Variants in NFAT5 observed in about 807,000 individuals in gnomAD.
NFAT5 encodes nuclear factor of activated T-cells 5.
NFAT5 carries 31 observed loss-of-function variants against 166.5 expected under a neutral mutation model. The observed-to-expected ratio is 0.19, with a 90% CI of 0.14 to 0.25. The LOEUF is 0.25. NFAT5 is among the 10% of genes least tolerant of loss of function. The probability of loss-of-function intolerance (pLI) is 1.00; values close to 1 mark genes in which losing one functional copy is unlikely to be tolerated. For synonymous variants in NFAT5, 612 were observed against 639.7 expected (o/e 0.96, Z 0.65); for missense variants, 1,449 against 1,821.8 (o/e 0.80, Z 3.72).
intron 14 of NFAT5, 99 bp downstream of exon 14, chr16:69,695,478 G>A: frequency 1.2e-6 from 1 of 805,710 alleles, no homozygotes; most frequent in Admixed American, 2.5e-5. Flanking sequence ...TTTAAAATGT[G>A]GCTTTCTCAC....
At chr16:69,678,819 G>C (rs2036937542) in intron 10 of NFAT5, among the ~76,000 whole-genome samples, 1 of 152,112 alleles carries the variant, frequency 6.6e-6, no homozygotes, top group Non-Finnish European at 1.5e-5. Context: ...GTAAAGAATG[G>C]GGCAAAGAAA....
At chr16:69,623,746 A>G (rs2034309076) in intron 2 of NFAT5, among the ~76,000 whole-genome samples, 1 of 151,682 alleles carries the variant, frequency 6.6e-6, no homozygotes, top group South Asian at 2.1e-4. Flanking sequence ...ACCTCAGGTA[A>G]TCTGCCTGCC....
intron 2 of NFAT5, among the ~76,000 whole-genome samples, chr16:69,594,928 C>G (rs138089975): frequency 2.6e-5 from 4 of 152,106 alleles, no homozygotes; most frequent in African/African-American, 4.8e-5. Flanking sequence ...CAGGAAACAT[C>G]GAGCAAGGGA....
At position 69,594,357 on chromosome 16, in the gene NFAT5, G is replaced by A. The variant is rs9921301; in HGVS notation, c.127+25809G>A. 1.9e-3 allele frequency among the ~76,000 whole-genome samples: 287 copies of A among 152,242 alleles called. 3 individuals are homozygous for A. Among genetic ancestry groups the A allele is most frequent in the African/African-American group, 6.5e-3 (269 of 41,542 alleles). ...TGTATCTGAACAGACGAGGTAACAC[G>A]TGGCATGACATCACTAGGAGATAGG... On this transcript the variant is annotated intron_variant, in intron 2 of 14. Transcript: ENST00000349945.
At chr16:69,599,403 C>A (rs1311955465) in intron 2 of NFAT5, among the ~76,000 whole-genome samples, 1 of 152,012 alleles carries the variant, frequency 6.6e-6, no homozygotes, top group Admixed American at 6.5e-5. Context: ...ATGGTGAAAC[C>A]CTGTCTCTCC....
intron 7 of NFAT5, among the ~76,000 whole-genome samples, chr16:69,663,586 A>G (rs972074008): frequency 3.4e-5 from 5 of 148,862 alleles, no homozygotes; most frequent in African/African-American, 1.3e-4. Flanking sequence ...AAAAAAAAAA[A>G]AGGCCAGGTG....
At chr16:69,611,798 T>C (rs1416378080) in intron 2 of NFAT5, among the ~76,000 whole-genome samples, 1 of 152,208 alleles carries the variant, frequency 6.6e-6, no homozygotes, top group Non-Finnish European at 1.5e-5. Flanking sequence ...GGTTCCAACA[T>C]GAATTTTGGC....
chr16:69,594,544 A>G (rs2032673042), intron 2 of NFAT5, among the ~76,000 whole-genome samples: 1 of 152,214 alleles, frequency 6.6e-6, no homozygotes, highest in African/African-American at 2.4e-5. Flanking sequence ...ATTAAGTGGC[A>G]TATAGCAGGT....
At chr16:69,586,105 ATAAT>A (rs2032047630) in intron 2 of NFAT5, among the ~76,000 whole-genome samples, 1 of 152,200 alleles carries the variant, frequency 6.6e-6, no homozygotes, top group South Asian at 2.1e-4. Flanking sequence ...TTTGTGAGAC[ATAAT>A]TGTGTGGTAT....
chr16:69,617,024 A>G (rs1407782941), intron 2 of NFAT5, among the ~76,000 whole-genome samples: 1 of 151,004 alleles, frequency 6.6e-6, no homozygotes, highest in East Asian at 2.0e-4. Context: ...GCTCACTGCA[A>G]GCTCCGCCTC....
At chr16:69,624,900 TTTTAAAAAAAAAAAAAAAGA>T in intron 2 of NFAT5, among the ~76,000 whole-genome samples, 1 of 150,376 alleles carries the variant, frequency 6.6e-6, no homozygotes, top group East Asian at 1.9e-4. Flanking sequence ...TTGTTCTTTT[TTTTAAAAAAAAAAAAAAAGA>T]AGGAGTTTCG....
In NFAT5 at chr16:69,681,751, A is replaced by G. The variant is rs556026067; in HGVS notation, c.1691-3136A>G. Among the ~76,000 whole-genome samples the G allele has an allele frequency of 2.6e-5, 4 of 152,126 alleles. No homozygotes were observed. In the South Asian group the frequency reaches 8.3e-4, roughly 32 times the overall value. ...GCTAACACAGTGAAACCCCGTCTCT[A>G]CTAAAAAATACAAAAAATTAGCCAG... On this transcript the variant is annotated intron_variant, in intron 10 of 14. Transcript: ENST00000349945.
intron 9 of NFAT5, 86 bp downstream of exon 9, chr16:69,670,374 T>A: frequency 1.3e-6 from 1 of 795,092 alleles, no homozygotes; most frequent in Non-Finnish European, 2.0e-6. Flanking sequence ...ATCAATAGAT[T>A]AAATTTCTTC....
chr16:69,577,792 C>T (rs926091878), intron 2 of NFAT5, among the ~76,000 whole-genome samples: 7 of 152,040 alleles, frequency 4.6e-5, no homozygotes, highest in South Asian at 4.1e-4. Context: ...ATAAAGGACA[C>T]GGGTTATATA....
chr16:69,628,136 T>G (rs2034550003), intron 3 of NFAT5, among the ~76,000 whole-genome samples: 1 of 151,784 alleles, frequency 6.6e-6, no homozygotes, highest in Non-Finnish European at 1.5e-5. Flanking sequence ...GTTCTTCCTT[T>G]TAGATAATAC....
chr16:69,620,588 A>G (rs936307115), intron 2 of NFAT5, among the ~76,000 whole-genome samples: 2 of 152,220 alleles, frequency 1.3e-5, no homozygotes, highest in African/African-American at 4.8e-5. Flanking sequence ...TTGAAAAGGT[A>G]ACTGAGCATG....
At chr16:69,636,770 C>T (rs1320031597) in intron 3 of NFAT5, among the ~76,000 whole-genome samples, 1 of 152,160 alleles carries the variant, frequency 6.6e-6, no homozygotes, top group East Asian at 1.9e-4. Context: ...CACAAAACCG[C>T]TTTTTCCTCC....
intron 2 of NFAT5, among the ~76,000 whole-genome samples, chr16:69,622,264 T>G (rs887900755): frequency 2.6e-5 from 4 of 152,200 alleles, no homozygotes; most frequent in Admixed American, 2.6e-4. Context: ...TTATTTAAAG[T>G]AGCAGAACCA....
At chr16:69,607,054 T>C in intron 2 of NFAT5, among the ~76,000 whole-genome samples, 1 of 152,314 alleles carries the variant, frequency 6.6e-6, no homozygotes, top group East Asian at 1.9e-4. Flanking sequence ...CTCCAATTAA[T>C]ATATTAATAA....
Sources: gnomAD v4.1 joint callset for allele counts (sites outside exome capture counted in the v4.1 genomes callset) on GRCh38, gnomAD v4.1.1 for gene constraint, MANE v1.5 for transcripts, NCBI Gene and HGNC (gene_info 2026-07-23, HGNC 2026-07-21) for gene names.